Variants in DLGAP1 observed in about 807,000 individuals in gnomAD.
DLGAP1 encodes the protein DLG associated protein 1.
Under a neutral mutation model 90.8 loss-of-function variants are expected in DLGAP1, and 11 were observed. The observed-to-expected ratio is 0.12, with a 90% confidence interval of 0.08 to 0.20. DLGAP1 has a LOEUF of 0.20. Among genes scored for constraint, DLGAP1 ranks in the 10% least tolerant of loss-of-function variants. DLGAP1 has a pLI of 1.00. For missense variants in DLGAP1, 1,050 were observed against 1,333.8 expected (o/e 0.79, Z 3.31); for synonymous variants, 558 against 540.7 (o/e 1.03, Z -0.44).
At chr18:3,675,339 T>G (rs1253303864) in intron 7 of DLGAP1, among the ~76,000 whole-genome samples, 1 of 152,166 alleles carries the variant, frequency 6.6e-6, no homozygotes, top group Non-Finnish European at 1.5e-5. Context: ...CCTCCCAAAG[T>G]GCTAGGATTA....
chr18:3,973,290 C>A (rs1382058982), intron 3 of DLGAP1, among the ~76,000 whole-genome samples: 50 of 134,874 alleles, frequency 3.7e-4, no homozygotes, highest in East Asian at 6.7e-4. Flanking sequence ...TAGCCATAGC[C>A]AAAAAAAAAA....
chr18:3,680,978 C>T (rs2060495460), intron 7 of DLGAP1, among the ~76,000 whole-genome samples: 1 of 152,100 alleles, frequency 6.6e-6, no homozygotes, highest in African/African-American at 2.4e-5. Flanking sequence ...AGGCTTCCTC[C>T]CAATGGGATG....
intron 1 of DLGAP1, among the ~76,000 whole-genome samples, chr18:4,215,932 A>T (rs2077944569): frequency 6.6e-6 from 1 of 152,136 alleles, no homozygotes; most frequent in Non-Finnish European, 1.5e-5. Flanking sequence ...CTAGGGACAT[A>T]GACAAAAAGG....
intron 11 of DLGAP1, 84 bp downstream of exon 11, chr18:3,508,486 G>T: frequency 1.1e-6 from 1 of 942,998 alleles, no homozygotes; most frequent in Non-Finnish European, 1.5e-6. Flanking sequence ...TTCAAAATCA[G>T]TTTTACTTTA....
At chr18:4,193,863 T>C (rs1030028266) in intron 1 of DLGAP1, among the ~76,000 whole-genome samples, 4 of 152,230 alleles carry the variant, frequency 2.6e-5, no homozygotes, top group South Asian at 2.1e-4. Context: ...ATAAAAAAAA[T>C]TGTAAAGGAC....
chr18:3,904,489 G>A (rs1487745793), intron 3 of DLGAP1, among the ~76,000 whole-genome samples: 2 of 152,202 alleles, frequency 1.3e-5, no homozygotes, highest in South Asian at 2.1e-4. Context: ...AATGTAACCC[G>A]TGGGTTTCAC....
chr18:4,404,273 A>T (rs1310946052), intron 1 of DLGAP1, among the ~76,000 whole-genome samples: 2 of 152,228 alleles, frequency 1.3e-5, no homozygotes, highest in Non-Finnish European at 2.9e-5. Flanking sequence ...CTCATTTAAT[A>T]GCATTAGATA....
chr18:4,445,807 GA>G (rs1345247273), intron 1 of DLGAP1, among the ~76,000 whole-genome samples: 1 of 152,114 alleles, frequency 6.6e-6, no homozygotes, highest in East Asian at 1.9e-4. Flanking sequence ...GGAATTCAGA[GA>G]AGAGTTTACC....
At chr18:3,823,865 G>T (rs1006693613) in intron 4 of DLGAP1, among the ~76,000 whole-genome samples, 1 of 139,366 alleles carries the variant, frequency 7.2e-6, no homozygotes, top group Non-Finnish European at 1.5e-5. Context: ...CAGGAGAATT[G>T]CTTGAACCTG....
chr18:3,894,160 C>T (rs1177151035), intron 3 of DLGAP1, among the ~76,000 whole-genome samples: 1 of 152,184 alleles, frequency 6.6e-6, no homozygotes, highest in Non-Finnish European at 1.5e-5. Context: ...TATTTCCTCC[C>T]ATTCTGTAAG....
At chr18:3,865,773 C>T (rs1012660016) in intron 4 of DLGAP1, among the ~76,000 whole-genome samples, 1 of 152,130 alleles carries the variant, frequency 6.6e-6, no homozygotes, top group Non-Finnish European at 1.5e-5. Context: ...GGGGTCAGAA[C>T]GGCTACCCCA....
chr18:4,149,215 T>C (rs2076633238), intron 2 of DLGAP1, among the ~76,000 whole-genome samples: 1 of 152,206 alleles, frequency 6.6e-6, no homozygotes, highest in Non-Finnish European at 1.5e-5. Context: ...TCATATAATG[T>C]CTCAAATATA....
chr18:3,973,671 C>T (rs149890576), intron 3 of DLGAP1, among the ~76,000 whole-genome samples: 4 of 152,188 alleles, frequency 2.6e-5, no homozygotes, highest in Admixed American at 2.6e-4. Flanking sequence ...AATTTTTTTC[C>T]CTCAATTTTA....
intron 1 of DLGAP1, among the ~76,000 whole-genome samples, chr18:4,225,710 G>C (rs1709824548): frequency 6.6e-6 from 1 of 151,886 alleles, no homozygotes; most frequent in Admixed American, 6.6e-5. Context: ...GCAGAAGAAA[G>C]AATTAGTGAG....
intron 3 of DLGAP1, among the ~76,000 whole-genome samples, chr18:3,931,732 C>T (rs780422831): frequency 9.9e-5 from 15 of 152,074 alleles, no homozygotes; most frequent in South Asian, 2.1e-4. Context: ...GGCCCTTTAG[C>T]GCCACCTTTG....
At chr18:3,870,232 T>A (rs1383942250) in intron 4 of DLGAP1, among the ~76,000 whole-genome samples, 1 of 152,188 alleles carries the variant, frequency 6.6e-6, no homozygotes, top group African/African-American at 2.4e-5. Context: ...TCAAGGTGAT[T>A]CTTGTGCACA....
At chr18:4,201,430 G>A (rs2077604754) in intron 1 of DLGAP1, among the ~76,000 whole-genome samples, 1 of 152,080 alleles carries the variant, frequency 6.6e-6, no homozygotes, top group Non-Finnish European at 1.5e-5. Flanking sequence ...TCAGTTGGTT[G>A]TAGGTATTTG....
chr18:4,198,738 T>C (rs923279236), intron 1 of DLGAP1, among the ~76,000 whole-genome samples: 2 of 152,218 alleles, frequency 1.3e-5, no homozygotes, highest in African/African-American at 4.8e-5. Flanking sequence ...CAAGGTACAA[T>C]TCATCTTTCT....
intron 3 of DLGAP1, chr18:3,892,126 C>G (rs1177045708): frequency 5.0e-5 from 5 of 99,158 alleles, no homozygotes; most frequent in Non-Finnish European, 9.1e-5. Context: ...CACACACACA[C>G]ACACACACAC....
Sources: allele counts gnomAD v4.1 joint callset (sites outside exome capture counted in the v4.1 genomes callset), GRCh38; gene constraint gnomAD v4.1.1; transcripts MANE v1.5; gene names NCBI Gene and HGNC (gene_info 2026-07-23, HGNC 2026-07-21).